Variants in ALKBH5 observed in about 807,000 individuals in gnomAD.
ALKBH5 encodes the protein RNA demethylase ALKBH5.
A neutral mutation model predicts 32.1 loss-of-function variants in ALKBH5; 2 were observed. The ratio of observed to expected loss-of-function variants is 0.06; its 90% CI spans 0.03 to 0.20. The LOEUF (loss-of-function observed/expected upper bound fraction) is 0.20, where lower values mean the gene tolerates loss of function less well. ALKBH5 is among the 10% of genes least tolerant of loss of function. The pLI, the probability that ALKBH5 is intolerant of heterozygous loss-of-function variation, is 1.00. For missense variants in ALKBH5, 352 were observed against 559.5 expected, an observed-to-expected ratio of 0.63 and a Z score of 3.74; for synonymous variants, 300 against 231.7, an observed-to-expected ratio of 1.29 and a Z score of -2.68.
chr17:18,200,914 G>A (rs1229887410), intron 2 of ALKBH5, among the ~76,000 whole-genome samples: 1 of 152,222 alleles, frequency 6.6e-6, no homozygotes, highest in Non-Finnish European at 1.5e-5. Context: ...TAAGCGCGCT[G>A]GGGAGCCGTG....
chr17:18,206,075 G>A (rs2047267268), intron 2 of ALKBH5, among the ~76,000 whole-genome samples: 1 of 152,106 alleles, frequency 6.6e-6, no homozygotes, highest in South Asian at 2.1e-4. Context: ...AAAGGACTTG[G>A]ATCACTGCCC....
At chr17:18,192,886 G>A (rs2047185179) in intron 1 of ALKBH5, among the ~76,000 whole-genome samples, 4 of 133,086 alleles carry the variant, frequency 3.0e-5, no homozygotes, top group South Asian at 2.3e-4. Context: ...TTGAGACGGA[G>A]TCTCACTCTG....
intron 1 of ALKBH5, among the ~76,000 whole-genome samples, chr17:18,193,544 CAA>C (rs536568816): frequency 3.0e-5 from 4 of 134,792 alleles, no homozygotes; most frequent in Non-Finnish European, 3.2e-5. Context: ...GAGACTGTCT[CAA>C]AAAAAAAAAA....
chr17:18,185,087 G>T, intron 1 of ALKBH5, 74 bp downstream of exon 1: 1 of 1,534,924 alleles, frequency 6.5e-7, no homozygotes. Context: ...GAAAGCAGCA[G>T]CCCGTAGGAG....
intron 1 of ALKBH5, among the ~76,000 whole-genome samples, chr17:18,193,245 G>GA (rs71155321): frequency 1 from 151,886 of 151,966 alleles, 75,903 homozygotes; most frequent in Middle Eastern, 1. Flanking sequence ...GGAGAAGGTG[G>GA]ATCTATAAAA....
Position 18,184,192 on chromosome 17 carries a change from G to T in ALKBH5, c.-52G>T. The T allele has an allele frequency of 7.0e-7, 1 of 1,433,106 alleles. No individual in the cohort carries two copies. 88.8% of individuals were successfully genotyped at this position (1,433,106 alleles called of 1,614,324 possible). Reference sequence around the variant, plus strand: ...CCGGGGCGCGTCCCCTTAGAGCCATGCCCGGCTGCCCCGCCCGCCCCGGAG... The same window carrying T: ...CCGGGGCGCGTCCCCTTAGAGCCATTCCCGGCTGCCCCGCCCGCCCCGGAG... On this transcript the variant is annotated 5_prime_UTR_variant, in exon 1 of 4. It removes an upstream start codon present in the reference 5' UTR. Transcript: ENST00000399138.
chr17:18,184,498 G>A lies in ALKBH5; in HGVS notation c.255G>A (p.Val85=), dbSNP rs1200975452. 6.2e-7 allele frequency: 1 copy of A among 1,612,910 alleles called. No individual in the cohort carries two copies. The highest frequency in any genetic ancestry group is 1.3e-5 in the African/African-American group (1 of 74,950). Residue 85 remains valine, a synonymous_variant, in exon 1 of 4, where the codon GTG becomes GTA. Coordinates refer to ENST00000399138, the MANE Select transcript of ALKBH5 (RefSeq NM_017758.4). The part of the protein sequence containing the change: ...QLQKEEEARK[V]KSGIRQMRLF... ...AGAAGGAGGAGGAGGCGCGCAAGGT[G>A]AAGAGCGGCATCCGCCAGATGCGCC...
intron 3 of ALKBH5, 26 bp from the exon 4 acceptor site, chr17:18,208,193 A>G (rs762575859): frequency 6.3e-7 from 1 of 1,581,574 alleles, no homozygotes; most frequent in Non-Finnish European, 8.6e-7. Flanking sequence ...CCTCTCAGAT[A>G]ACGTCCTACC....
Position 18,183,867 on chromosome 17 carries a change from T to A in ALKBH5, c.-377T>A, listed in dbSNP as rs957033475. 46 of 357,306 alleles carry A rather than the reference T, an allele frequency of 1.3e-4. No homozygotes were observed. The highest frequency in any genetic ancestry group is 2.0e-4 in the Non-Finnish European group (38 of 188,154). 22.1% of individuals were successfully genotyped at this position (357,306 alleles called of 1,614,324 possible). A position where few individuals can be genotyped will look rare whatever the true frequency, so the allele number is the denominator to read the frequency against. On this transcript the variant is annotated 5_prime_UTR_variant, in exon 1 of 4. Coordinates refer to ENST00000399138, the MANE Select transcript of ALKBH5 (RefSeq NM_017758.4). ...GGAGCGGCGCTGGCGGACGTCGGGC[T>A]GGCTGCCCGTGACGTCGTGCGGAGA...
At position 18,184,704 on chromosome 17, in the gene ALKBH5, G is replaced by T. The variant is rs1221113890; in HGVS notation, c.461G>T (p.Arg154Leu). 1 of 1,612,954 alleles carries T rather than the reference G, an allele frequency of 6.2e-7. No homozygotes were observed. Among genetic ancestry groups the T allele is most frequent in the Non-Finnish European group, 8.5e-7 (1 of 1,179,756 alleles). The stretch of plus-strand genomic sequence containing the variant: ...CAGAAGCGCGGGCCCGGCCAGGAGC[G>T]CCTCTACCCGCCGGGCGACGTGGAC... ...QLQKRGPGQERLYPPGDVDEI... is the reference protein window; with the variant it reads ...QLQKRGPGQELLYPPGDVDEI... The change falls in exon 1 of 4, where the codon CGC (arginine) becomes CTC (leucine). Residue 154 changes from arginine (R) to leucine (L), a missense_variant. Arg to Leu is a moderately radical substitution (Grantham distance 102). Coordinates refer to ENST00000399138, the MANE Select transcript of ALKBH5 (RefSeq NM_017758.4).
intron 2 of ALKBH5, among the ~76,000 whole-genome samples, chr17:18,197,636 C>T (rs1282187177): frequency 6.6e-6 from 1 of 152,222 alleles, no homozygotes; most frequent in Non-Finnish European, 1.5e-5. Context: ...GACTCCCATA[C>T]CTGGCCGCCC....
intron 2 of ALKBH5, among the ~76,000 whole-genome samples, chr17:18,200,386 T>A (rs2047229721): frequency 6.6e-6 from 1 of 152,122 alleles, no homozygotes; most frequent in South Asian, 2.1e-4. Context: ...TAGGAGGCCC[T>A]CAGGATTGCA....
At chr17:18,207,856 T>A (rs899753793) in intron 3 of ALKBH5, among the ~76,000 whole-genome samples, 3 of 151,918 alleles carry the variant, frequency 2.0e-5, no homozygotes, top group African/African-American at 7.3e-5. Flanking sequence ...AAGGGGGTGT[T>A]GGGAGGCCCA....
chr17:18,194,522 G>T (rs1186897214), intron 1 of ALKBH5, among the ~76,000 whole-genome samples: 2 of 152,170 alleles, frequency 1.3e-5, no homozygotes, highest in Non-Finnish European at 2.9e-5. Context: ...GAGACTTCAT[G>T]TAGATATTCT....
intron 2 of ALKBH5, among the ~76,000 whole-genome samples, chr17:18,196,245 C>A (rs1045096163): frequency 6.7e-6 from 1 of 148,772 alleles, no homozygotes; most frequent in Non-Finnish European, 1.5e-5. Flanking sequence ...CAGGGTCTCA[C>A]TCTGTCGCCT....
chr17:18,184,674 A>G lies in ALKBH5; in HGVS notation c.431A>G (p.Gln144Arg). ...GGCGAAGGCTACACTTACGGCGCCC[A>G]GCTGCAGAAGCGCGGGCCCGGCCAG... ...FFGEGYTYGAQLQKRGPGQER... is the reference protein window; with the variant it reads ...FFGEGYTYGARLQKRGPGQER... The change falls in exon 1 of 4, where the codon CAG (glutamine) becomes CGG (arginine). Residue 144 changes from glutamine (Q) to arginine (R), a missense_variant. Physicochemically the swap from Gln to Arg is conservative, Grantham distance 43. Transcript: ENST00000399138. 6.2e-7 allele frequency: 1 copy of G among 1,612,714 alleles called. No individual in the cohort carries two copies. Among genetic ancestry groups the G allele is most frequent in the Non-Finnish European group, 8.5e-7 (1 of 1,179,548 alleles).
rs764967708 is a variant in ALKBH5 at position 18,206,954 on chromosome 17, C to G, written c.991C>G (p.Pro331Ala). ...KPKRSHRKAD[P>A]DAAHRPRILE... Reference sequence around the variant, plus strand: ...CAAGCGGTCCCACCGCAAGGCAGACCCTGATGCTGCCCACAGGTACTCAGT... The same window carrying G: ...CAAGCGGTCCCACCGCAAGGCAGACGCTGATGCTGCCCACAGGTACTCAGT... Residue 331 changes from proline to alanine, a missense_variant, in exon 3 of 4, where the codon CCT becomes GCT. Physicochemically the swap from Pro to Ala is conservative, Grantham distance 27. Transcript: ENST00000399138. 1.2e-6 allele frequency: 2 copies of G among 1,614,072 alleles called. No individual in the cohort carries two copies. The highest frequency in any genetic ancestry group is 2.7e-5 in the African/African-American group (2 of 74,948).
intron 1 of ALKBH5, among the ~76,000 whole-genome samples, chr17:18,185,346 T>C (rs954765552): frequency 4.6e-5 from 7 of 152,136 alleles, no homozygotes; most frequent in Non-Finnish European, 7.4e-5. Context: ...CCCTTTGTGA[T>C]TTTCCGGTTT....
At chr17:18,198,058 C>T (rs986038760) in intron 2 of ALKBH5, among the ~76,000 whole-genome samples, 6 of 152,178 alleles carry the variant, frequency 3.9e-5, no homozygotes, top group Admixed American at 3.3e-4. Flanking sequence ...GATTCATATC[C>T]CAACTCCCCA....
Sources: allele counts gnomAD v4.1 joint callset (sites outside exome capture counted in the v4.1 genomes callset), GRCh38; gene constraint gnomAD v4.1.1; transcripts MANE v1.5; gene names NCBI Gene and HGNC (gene_info 2026-07-23, HGNC 2026-07-21).